Variants in ELMO1 observed in about 807,000 individuals in gnomAD.
ELMO1 encodes engulfment and cell motility 1.
A neutral mutation model predicts 98.9 loss-of-function variants in ELMO1; 26 were observed. That is an observed-to-expected ratio of 0.26 (90% CI 0.19 to 0.36). ELMO1 has a LOEUF of 0.36. Ranked by LOEUF, ELMO1 falls within the 10% of genes least tolerant of loss-of-function variation. The probability of loss-of-function intolerance (pLI) is 1.00; values close to 1 mark genes in which losing one functional copy is unlikely to be tolerated. For missense variants in ELMO1, 627 were observed against 935.2 expected (o/e 0.67, Z 4.30); for synonymous variants, 346 against 346.0 (o/e 1.00, Z 0.00).
chr7:37,182,947 T>C (rs1790974964), intron 13 of ELMO1, among the ~76,000 whole-genome samples: 1 of 152,228 alleles, frequency 6.6e-6, no homozygotes, highest in Non-Finnish European at 1.5e-5. Flanking sequence ...TCCATAAGGA[T>C]GGCTCATACC....
intron 13 of ELMO1, among the ~76,000 whole-genome samples, chr7:37,156,791 C>A (rs993706966): frequency 7.2e-5 from 11 of 152,068 alleles, no homozygotes; most frequent in African/African-American, 2.4e-4. Context: ...AATAGAAAAA[C>A]AGGGAATCCT....
At position 36,878,051 on chromosome 7, in the gene ELMO1, C is replaced by T. The variant is rs557136502; in HGVS notation, c.1781G>A (p.Ser594Asn). The change falls in exon 19 of 22, where the codon AGT becomes AAT. Residue 594 changes from serine (S) to asparagine (N), a missense_variant. By Grantham distance (46) the Ser-to-Asn change is conservative (BLOSUM62 1). Transcript: ENST00000310758. Reference protein sequence around the residue: ...KVLHYGDLEESPQGEVPHDSL... With the variant: ...KVLHYGDLEENPQGEVPHDSL... Reference sequence around the variant, plus strand: ...ATCGTGGGGCACTTCTCCCTGAGGACTCTCTTCTAAGTCTCCGTAATGCAG... The same window carrying T: ...ATCGTGGGGCACTTCTCCCTGAGGATTCTCTTCTAAGTCTCCGTAATGCAG... The T allele has an allele frequency of 2.5e-6, 4 of 1,614,102 alleles. No individual in the cohort carries two copies. The highest frequency in any genetic ancestry group is 4.5e-5 in the East Asian group (2 of 44,862).
chr7:37,057,267 G>C (rs1796434618), intron 15 of ELMO1, among the ~76,000 whole-genome samples: 1 of 151,582 alleles, frequency 6.6e-6, no homozygotes, highest in African/African-American at 2.4e-5. Context: ...GTACACAGTT[G>C]TCATGTGTTT....
At chr7:37,054,452 G>A (rs959905571) in intron 15 of ELMO1, among the ~76,000 whole-genome samples, 13 of 152,140 alleles carry the variant, frequency 8.5e-5, no homozygotes, top group African/African-American at 2.2e-4. Flanking sequence ...GCATAAGAAC[G>A]GCACTGCAAG....
chr7:36,884,265 C>T lies in ELMO1; in HGVS notation c.1714+3295G>A, dbSNP rs573519272. ...CCAGGAGGCAGAGGTTGCACTGAGC[C>T]GAGATCATGCCATTGCACTCCAGCC... On this transcript the variant is annotated intron_variant, in intron 18 of 21. Transcript: ENST00000310758. Among the ~76,000 whole-genome samples, 11 of 149,728 alleles carry T rather than the reference C, an allele frequency of 7.3e-5. No homozygotes were observed. In the South Asian group the frequency reaches 1.5e-3, roughly 20 times the overall value.
chr7:37,235,055 T>C (rs1029886387), intron 7 of ELMO1, among the ~76,000 whole-genome samples: 4 of 152,176 alleles, frequency 2.6e-5, no homozygotes, highest in Non-Finnish European at 5.9e-5. Context: ...CAAAGGATCA[T>C]GCCTCAAAAA....
chr7:37,105,405 G>A (rs1784888265), intron 14 of ELMO1, among the ~76,000 whole-genome samples: 2 of 152,206 alleles, frequency 1.3e-5, no homozygotes, highest in African/African-American at 4.8e-5. Flanking sequence ...GCCAGTACGT[G>A]TGTTCCTGGC....
intron 18 of ELMO1, among the ~76,000 whole-genome samples, chr7:36,879,146 T>C (rs1405000206): frequency 2.0e-5 from 3 of 152,238 alleles, no homozygotes; most frequent in African/African-American, 7.2e-5. Context: ...TTAATATTGA[T>C]AGGAGAAGAG....
chr7:37,398,648 C>T (rs570844000), intron 1 of ELMO1, among the ~76,000 whole-genome samples: 4 of 144,136 alleles, frequency 2.8e-5, no homozygotes, highest in African/African-American at 1.0e-4. Flanking sequence ...GATGGGAGGA[C>T]ACCCCCTGCT....
At chr7:37,140,771 T>C (rs1787582934) in intron 13 of ELMO1, among the ~76,000 whole-genome samples, 1 of 44,658 alleles carries the variant, frequency 2.2e-5, no homozygotes, top group African/African-American at 4.8e-5. Context: ...ACAACAAGCA[T>C]ACGGAAAAAA....
intron 16 of ELMO1, among the ~76,000 whole-genome samples, chr7:36,973,237 A>T (rs1790134876): frequency 6.6e-6 from 1 of 152,238 alleles, no homozygotes; most frequent in South Asian, 2.1e-4. Flanking sequence ...GTACATCAGG[A>T]TAAAGGCCAG....
chr7:37,436,257 T>A (rs1187660291), intron 1 of ELMO1, among the ~76,000 whole-genome samples: 1 of 152,148 alleles, frequency 6.6e-6, no homozygotes, highest in Non-Finnish European at 1.5e-5. Context: ...TACACACCAA[T>A]CCTGATATAT....
intron 13 of ELMO1, among the ~76,000 whole-genome samples, chr7:37,175,079 T>C (rs964274027): frequency 2.9e-5 from 4 of 135,912 alleles, no homozygotes; most frequent in Non-Finnish European, 1.6e-5. Flanking sequence ...AAAAAAGGAG[T>C]GGAAGGGAAA....
At chr7:37,378,594 C>T (rs544704112) in intron 1 of ELMO1, among the ~76,000 whole-genome samples, 16 of 148,474 alleles carry the variant, frequency 1.1e-4, no homozygotes, top group South Asian at 2.1e-4. Context: ...GTGGTATAAA[C>T]GAAAAAAAAA....
chr7:37,255,789 T>TGATATATCAATGGCTGG (rs1795608172), intron 6 of ELMO1, among the ~76,000 whole-genome samples: 1 of 151,882 alleles, frequency 6.6e-6, no homozygotes, highest in African/African-American at 2.4e-5. Flanking sequence ...GCATTGTCCT[T>TGATATATCAATGGCTGG]GACTTAGCTT....
chr7:37,154,977 C>T (rs921218900), intron 13 of ELMO1, among the ~76,000 whole-genome samples: 8 of 152,204 alleles, frequency 5.3e-5, no homozygotes, highest in Non-Finnish European at 1.0e-4. Context: ...TGCAGAAACC[C>T]TACAAGCCAG....
intron 15 of ELMO1, among the ~76,000 whole-genome samples, chr7:37,080,252 T>A (rs1797792999): frequency 6.6e-6 from 1 of 152,182 alleles, no homozygotes; most frequent in Admixed American, 6.5e-5. Flanking sequence ...TAGTGGGGTA[T>A]ATTAACTTGC....
chr7:36,861,970 CAAGT>C, intron 20 of ELMO1: 1 of 557,064 alleles, frequency 1.8e-6, no homozygotes, highest in South Asian at 2.2e-5. Context: ...GCCCATGTAG[CAAGT>C]GTTTTCATCT....
chr7:37,270,335 T>A (rs1796488304), intron 5 of ELMO1: 1 of 152,222 alleles, frequency 6.6e-6, no homozygotes, highest in Non-Finnish European at 1.5e-5. Flanking sequence ...ATCACTGTTT[T>A]TAGGTTCAGG....
Sources: gnomAD v4.1 joint callset for allele counts (sites outside exome capture counted in the v4.1 genomes callset) on GRCh38, gnomAD v4.1.1 for gene constraint, MANE v1.5 for transcripts, NCBI Gene and HGNC (gene_info 2026-07-23, HGNC 2026-07-21) for gene names.